ADAMTSL1: variants seen among roughly 807,000 people sequenced by gnomAD.
ADAMTSL1 encodes the protein ADAMTS like 1, also known as ADAMTS-like protein 1.
Under a neutral mutation model 201.8 loss-of-function variants are expected in ADAMTSL1, and 126 were observed. The ratio of observed to expected loss-of-function variants is 0.62; its 90% CI spans 0.54 to 0.72. The LOEUF is 0.72. Among genes scored for constraint, ADAMTSL1 ranks in the 30% least tolerant of loss-of-function variants. The probability of loss-of-function intolerance (pLI) is 0.00; values close to 1 mark genes in which losing one functional copy is unlikely to be tolerated. For synonymous variants in ADAMTSL1, 1,121 were observed against 903.4 expected, an observed-to-expected ratio of 1.24 and a Z score of -4.32; for missense variants, 2,679 against 2,277.8, an observed-to-expected ratio of 1.18 and a Z score of -3.59.
At chr9:18,320,584 G>C (rs1834578510) in intron 2 of ADAMTSL1, among the ~76,000 whole-genome samples, 1 of 152,180 alleles carries the variant, frequency 6.6e-6, no homozygotes, top group Admixed American at 6.5e-5. Flanking sequence ...TTATAAATAA[G>C]AGGGTAAATA....
intron 23 of ADAMTSL1, among the ~76,000 whole-genome samples, chr9:18,830,892 A>C (rs555553769): frequency 6.6e-6 from 1 of 152,326 alleles, no homozygotes; most frequent in South Asian, 2.1e-4. Context: ...TACTAAGTCT[A>C]TGTGATCCCA....
chr9:18,644,715 A>G (rs1827676040), intron 7 of ADAMTSL1, among the ~76,000 whole-genome samples: 1 of 151,766 alleles, frequency 6.6e-6, no homozygotes, highest in Non-Finnish European at 1.5e-5. Flanking sequence ...AAGGACATGA[A>G]CTCATCATTT....
intron 1 of ADAMTSL1, among the ~76,000 whole-genome samples, chr9:17,922,365 G>T (rs950349762): frequency 1.3e-5 from 2 of 152,118 alleles, no homozygotes; most frequent in Non-Finnish European, 2.9e-5. Context: ...TAAGTCAGTT[G>T]TGCTATGTTG....
In ADAMTSL1 at chr9:18,901,004, G is replaced by A. The variant is rs545373829; in HGVS notation, c.4852-4778G>A. On this transcript the variant is annotated intron_variant, in intron 26 of 28. Coordinates refer to ENST00000380548, the MANE Select transcript of ADAMTSL1 (RefSeq NM_001040272.6). Reference sequence around the variant, plus strand: ...AAAGAGAGTCTGGTGCCTCCCTCCCGTCTCTTACCATGTGACAAGCCAGCT... The same window carrying A: ...AAAGAGAGTCTGGTGCCTCCCTCCCATCTCTTACCATGTGACAAGCCAGCT... Among the ~76,000 whole-genome samples the A allele has an allele frequency of 4.2e-4, 64 of 152,086 alleles. No homozygotes were observed. In the South Asian group the frequency reaches 5.8e-3, roughly 14 times the overall value.
At chr9:18,154,784 G>C (rs1263018616) in intron 1 of ADAMTSL1, among the ~76,000 whole-genome samples, 1 of 151,960 alleles carries the variant, frequency 6.6e-6, no homozygotes, top group East Asian at 1.9e-4. Flanking sequence ...GAAATGGGTG[G>C]GAAGAAAAGA....
intron 1 of ADAMTSL1, among the ~76,000 whole-genome samples, chr9:17,934,588 A>G (rs959550315): frequency 6.6e-6 from 1 of 152,112 alleles, no homozygotes; most frequent in African/African-American, 2.4e-5. Context: ...CCCAAAGTCC[A>G]TCCATTCTCC....
At chr9:18,367,420 T>C (rs1312833114) in intron 2 of ADAMTSL1, among the ~76,000 whole-genome samples, 1 of 151,560 alleles carries the variant, frequency 6.6e-6, no homozygotes, top group African/African-American at 2.4e-5. Flanking sequence ...TGGAAAGAAA[T>C]GGAATTATGG....
At chr9:18,079,551 G>A (rs763354114) in intron 1 of ADAMTSL1, among the ~76,000 whole-genome samples, 2 of 151,838 alleles carry the variant, frequency 1.3e-5, no homozygotes, top group Non-Finnish European at 2.9e-5. Flanking sequence ...GCATGGTGGT[G>A]CACGCCTGTA....
intron 23 of ADAMTSL1, among the ~76,000 whole-genome samples, chr9:18,834,780 TCA>T: frequency 6.6e-6 from 1 of 152,204 alleles, no homozygotes; most frequent in East Asian, 1.9e-4. Flanking sequence ...ACTTTGACAT[TCA>T]TCCATATTGT....
intron 7 of ADAMTSL1, among the ~76,000 whole-genome samples, chr9:18,645,238 T>A (rs1036711358): frequency 6.6e-6 from 1 of 152,230 alleles, no homozygotes. Flanking sequence ...TGGGGTTGTT[T>A]GTTTTATTCT....
chr9:18,844,885 G>C (rs1825992713), intron 23 of ADAMTSL1, among the ~76,000 whole-genome samples: 1 of 152,310 alleles, frequency 6.6e-6, no homozygotes, highest in South Asian at 2.1e-4. Context: ...TTTTAAGCCT[G>C]TCGGAAAAGC....
At chr9:18,397,373 T>C (rs900844727) in intron 2 of ADAMTSL1, among the ~76,000 whole-genome samples, 3 of 152,108 alleles carry the variant, frequency 2.0e-5, no homozygotes, top group African/African-American at 7.2e-5. Context: ...CTTGAGTCTA[T>C]GATACCATTG....
At chr9:18,507,156 A>G (rs922283602) in intron 2 of ADAMTSL1, among the ~76,000 whole-genome samples, 6 of 152,218 alleles carry the variant, frequency 3.9e-5, no homozygotes, top group African/African-American at 1.4e-4. Context: ...TATTAGGCTA[A>G]ACTGTATTAA....
chr9:18,650,072 T>C (rs1273269296), intron 7 of ADAMTSL1, among the ~76,000 whole-genome samples: 1 of 152,238 alleles, frequency 6.6e-6, no homozygotes, highest in East Asian at 1.9e-4. Flanking sequence ...CTGCTTTGTT[T>C]ACCTAAGCAA....
chr9:18,650,294 C>T (rs527354778), intron 7 of ADAMTSL1, among the ~76,000 whole-genome samples: 13 of 152,340 alleles, frequency 8.5e-5, no homozygotes, highest in Non-Finnish European at 1.2e-4. Flanking sequence ...TGCCGTCTGT[C>T]ACCCCTTTCC....
chr9:18,127,887 T>C (rs193252958), intron 1 of ADAMTSL1, among the ~76,000 whole-genome samples: 1 of 152,210 alleles, frequency 6.6e-6, no homozygotes, highest in Admixed American at 6.5e-5. Context: ...CATATGTTTG[T>C]CTCATGTTTC....
At chr9:18,865,192 C>T (rs1023198729) in intron 23 of ADAMTSL1, among the ~76,000 whole-genome samples, 3 of 151,832 alleles carry the variant, frequency 2.0e-5, no homozygotes, top group Admixed American at 1.3e-4. Context: ...CCTCCCCGCT[C>T]CCCCCACCCC....
rs142554417 is a variant in ADAMTSL1 at position 18,779,788 on chromosome 9, G to T, written c.3677+1882G>T. On this transcript the variant is annotated intron_variant, in intron 19 of 28. Coordinates refer to ENST00000380548, the MANE Select transcript of ADAMTSL1 (RefSeq NM_001040272.6). ...GTGATGAGGGGTGGCCTGATACTCA[G>T]TCCTATCGGTGCACCTGCTGTACCT... 1.5e-3 allele frequency among the ~76,000 whole-genome samples: 227 copies of T among 152,278 alleles called. 6 individuals carry two copies. In the East Asian group the frequency reaches 0.028, roughly 19 times the overall value.
intron 2 of ADAMTSL1, among the ~76,000 whole-genome samples, chr9:18,525,346 C>A (rs1445557382): frequency 6.6e-6 from 1 of 151,878 alleles, no homozygotes; most frequent in Non-Finnish European, 1.5e-5. Flanking sequence ...TTCTTTATTA[C>A]TCTTGCTAGT....
Sources: allele counts gnomAD v4.1 joint callset (sites outside exome capture counted in the v4.1 genomes callset), GRCh38; gene constraint gnomAD v4.1.1; transcripts MANE v1.5; gene names NCBI Gene and HGNC (gene_info 2026-07-23, HGNC 2026-07-21).